Variants in EVI5 observed in about 807,000 individuals in gnomAD.
EVI5 encodes the protein ecotropic viral integration site 5.
A neutral mutation model predicts 112.0 loss-of-function variants in EVI5; 73 were observed. The ratio of observed to expected loss-of-function variants is 0.65; its 90% confidence interval spans 0.54 to 0.79. EVI5 has a LOEUF of 0.79. EVI5 is among the 30% of genes least tolerant of loss of function. The pLI is 0.00. For missense variants in EVI5, 900 were observed against 968.8 expected (o/e 0.93, Z 0.94); for synonymous variants, 305 against 319.9 (o/e 0.95, Z 0.50).
chr1:92,644,212 T>C (rs1660517092), intron 13 of EVI5, among the ~76,000 whole-genome samples: 1 of 152,226 alleles, frequency 6.6e-6, no homozygotes. Context: ...TGGGCACAAT[T>C]TATATCATGT....
At chr1:92,619,905 A>G (rs1359520267) in intron 16 of EVI5, among the ~76,000 whole-genome samples, 4 of 152,200 alleles carry the variant, frequency 2.6e-5, no homozygotes, top group Non-Finnish European at 1.5e-5. Flanking sequence ...AAAATGTTTT[A>G]GTCAATGGAA....
At chr1:92,525,876 T>C (rs985871591) in intron 19 of EVI5, among the ~76,000 whole-genome samples, 13 of 152,196 alleles carry the variant, frequency 8.5e-5, no homozygotes, top group Non-Finnish European at 1.8e-4. Context: ...TTAGACCAGA[T>C]ATCCATACCA....
chr1:92,698,364 A>G (rs1670633628), intron 5 of EVI5, among the ~76,000 whole-genome samples: 1 of 152,216 alleles, frequency 6.6e-6, no homozygotes, highest in South Asian at 2.1e-4. Context: ...CATGGAATAA[A>G]TCAACTAATA....
rs553971588 is a variant in EVI5 at position 92,595,128 on chromosome 1, C to T, written c.2070+10179G>A. ...GACACATGCACACGTATGTTTATTGCGGCACTATTCACAATAGCAAAGACT... is the reference window on the plus strand; with the variant it reads ...GACACATGCACACGTATGTTTATTGTGGCACTATTCACAATAGCAAAGACT... On this transcript the variant is annotated intron_variant, in intron 18 of 19. Coordinates refer to ENST00000684568, the MANE Select transcript of EVI5 (RefSeq NM_001350197.2). Among the ~76,000 whole-genome samples the T allele has an allele frequency of 8.6e-5, 13 of 150,956 alleles. No individual in the cohort carries two copies. In the South Asian group the frequency reaches 1.1e-3, roughly 12 times the overall value.
chr1:92,527,536 G>A (rs185284496), intron 19 of EVI5, among the ~76,000 whole-genome samples: 34 of 151,906 alleles, frequency 2.2e-4, no homozygotes, highest in African/African-American at 8.2e-4. Flanking sequence ...TGTACAAGTT[G>A]GTAAAATTTT....
At chr1:92,752,537 G>A in intron 1 of EVI5, among the ~76,000 whole-genome samples, 1 of 151,964 alleles carries the variant, frequency 6.6e-6, no homozygotes, top group Admixed American at 6.6e-5. Context: ...ACTCCAATGG[G>A]CCCTTTTAAT....
At chr1:92,651,026 CTTTAT>C (rs1262726752) in intron 13 of EVI5, among the ~76,000 whole-genome samples, 1 of 152,114 alleles carries the variant, frequency 6.6e-6, no homozygotes, top group Non-Finnish European at 1.5e-5. Context: ...CTCTCCTCTG[CTTTAT>C]TTTTATTTTT....
At position 92,785,108 on chromosome 1, in the gene EVI5, C is replaced by T. The variant is rs1383957747; in HGVS notation, c.-354G>A. On this transcript the variant is annotated 5_prime_UTR_variant, in exon 1 of 20. Coordinates refer to ENST00000684568, the MANE Select transcript of EVI5 (RefSeq NM_001350197.2). ...CCGGCCCGGCCGCGTCAGGAGAGCC[C>T]AAGGCGCAGGCGCGGGAGGGCCTTA... 9.1e-6 allele frequency: 9 copies of T among 985,404 alleles called. No individual in the cohort carries two copies. Among genetic ancestry groups the T allele is most frequent in the Non-Finnish European group, 1.1e-5 (9 of 829,960 alleles). The allele number at this position is 985,404 out of a possible 1,614,324, so 61.0% of individuals were successfully genotyped here.
chr1:92,643,828 TTA>T lies in EVI5; in HGVS notation c.1393-7494_1393-7493del, dbSNP rs1293459508. On this transcript the variant is annotated intron_variant, in intron 13 of 19. Coordinates refer to ENST00000684568, the MANE Select transcript of EVI5 (RefSeq NM_001350197.2). ...CCAATAGCATTGAAACTATTAAGAA[TTA>T]TATGACATATTGAACAAAAGTCAAT... is the stretch of plus-strand genomic sequence containing the variant. Among the ~76,000 whole-genome samples, 7 of 152,312 alleles carry T rather than the reference TTA, an allele frequency of 4.6e-5. No individual in the cohort carries two copies. The East Asian group carries it at 1.3e-3, about 29-fold the overall frequency.
At chr1:92,735,815 ATATTAT>A (rs571876668) in intron 2 of EVI5, among the ~76,000 whole-genome samples, 5 of 144,336 alleles carry the variant, frequency 3.5e-5, no homozygotes, top group African/African-American at 1.0e-4. Flanking sequence ...TGTATATTAT[ATATTAT>A]TATAATATAA....
chr1:92,693,666 A>C (rs1465798285), intron 9 of EVI5, 136 bp downstream of exon 9: 2 of 595,908 alleles, frequency 3.4e-6, no homozygotes, highest in Non-Finnish European at 5.9e-6. Context: ...GTATATTCCA[A>C]CATTAGCTTT....
intron 2 of EVI5, among the ~76,000 whole-genome samples, chr1:92,710,696 CT>C (rs1233004323): frequency 1.3e-5 from 2 of 150,884 alleles, no homozygotes; most frequent in Admixed American, 6.6e-5. Flanking sequence ...AGAGTAGCTC[CT>C]GATCCAAGGG....
intron 18 of EVI5, among the ~76,000 whole-genome samples, chr1:92,603,930 T>C (rs1557880792): frequency 6.6e-6 from 1 of 151,318 alleles, no homozygotes; most frequent in Non-Finnish European, 1.5e-5. Context: ...AGAGAGGGAG[T>C]CTCACTTTGT....
intron 18 of EVI5, among the ~76,000 whole-genome samples, chr1:92,590,050 C>T (rs1010955755): frequency 7.2e-5 from 11 of 152,176 alleles, no homozygotes; most frequent in Non-Finnish European, 4.4e-5. Context: ...CTGCAGCTAA[C>T]GGTCCTGACT....
intron 19 of EVI5, among the ~76,000 whole-genome samples, chr1:92,549,946 A>G (rs568732004): frequency 6.6e-6 from 1 of 152,292 alleles, no homozygotes; most frequent in Middle Eastern, 3.4e-3. Flanking sequence ...TGTGGCGATT[A>G]CTCAAGGATC....
At chr1:92,733,473 C>G (rs779774753) in intron 2 of EVI5, among the ~76,000 whole-genome samples, 1 of 150,018 alleles carries the variant, frequency 6.7e-6, no homozygotes, top group Non-Finnish European at 1.5e-5. Context: ...GTGGCATGAT[C>G]TCAGCTAACT....
At chr1:92,736,359 G>T in intron 2 of EVI5, 39 bp downstream of exon 2, 1 of 1,330,246 alleles carries the variant, frequency 7.5e-7, no homozygotes, top group Non-Finnish European at 1.1e-6. Flanking sequence ...GGCTGGATTT[G>T]TATAATTGGA....
intron 1 of EVI5, among the ~76,000 whole-genome samples, chr1:92,737,382 G>A (rs1167331376): frequency 2.0e-5 from 3 of 152,282 alleles, no homozygotes; most frequent in East Asian, 1.9e-4. Context: ...AATGTCAAGC[G>A]TTGGTTAAGG....
intron 10 of EVI5, among the ~76,000 whole-genome samples, chr1:92,676,128 T>C (rs1288288745): frequency 2.0e-5 from 3 of 149,054 alleles, no homozygotes; most frequent in Non-Finnish European, 4.4e-5. Flanking sequence ...GTGACAGAAA[T>C]GGGAATAGAA....
Sources: gnomAD v4.1 joint callset for allele counts (sites outside exome capture counted in the v4.1 genomes callset) on GRCh38, gnomAD v4.1.1 for gene constraint, MANE v1.5 for transcripts, NCBI Gene and HGNC (gene_info 2026-07-23, HGNC 2026-07-21) for gene names.